The following LPXN variants were observed in gnomAD, a reference collection of about 807,000 sequenced individuals.
LPXN encodes the protein leupaxin.
Under a neutral mutation model 45.6 loss-of-function variants are expected in LPXN, and 28 were observed. The ratio of observed to expected loss-of-function variants is 0.61; its 90% CI spans 0.45 to 0.84. The LOEUF (loss-of-function observed/expected upper bound fraction) is 0.84. Ranked by LOEUF, LPXN falls within the 40% of genes least tolerant of loss-of-function variation. The pLI is 0.00. For missense variants in LPXN, 459 were observed against 475.0 expected (o/e 0.97, Z 0.31); for synonymous variants, 166 against 169.9 (o/e 0.98, Z 0.18).
At position 58,572,630 on chromosome 11, in the gene LPXN, TAA is replaced by T. The variant is rs1294113645; in HGVS notation, c.14-1919_14-1918del. Among the ~76,000 whole-genome samples the T allele has an allele frequency of 5.3e-5, 8 of 152,236 alleles. No individual in the cohort carries two copies. The South Asian group carries it at 6.2e-4, about 12-fold the overall frequency. Reference sequence around the variant, plus strand: ...ATTTAATAATATTAATTAATTCTGTTAAGTTTTTAGGTGTGATAATGGTATTT... The same window carrying T: ...ATTTAATAATATTAATTAATTCTGTTGTTTTTAGGTGTGATAATGGTATTT... On this transcript the variant is annotated intron_variant, in intron 1 of 8. Coordinates refer to ENST00000395074, the MANE Select transcript of LPXN (RefSeq NM_004811.3).
intron 7 of LPXN, among the ~76,000 whole-genome samples, chr11:58,540,019 T>A (rs1853666734): frequency 6.6e-6 from 1 of 152,154 alleles, no homozygotes; most frequent in South Asian, 2.1e-4. Context: ...ATTATACACC[T>A]CTTGATGTGA....
chr11:58,560,225 T>C (rs1215776846), intron 3 of LPXN, among the ~76,000 whole-genome samples: 2 of 152,172 alleles, frequency 1.3e-5, no homozygotes, highest in Non-Finnish European at 2.9e-5. Flanking sequence ...AGATGAGACA[T>C]CAGTAATGCA....
chr11:58,571,542 G>A (rs1408177534), intron 1 of LPXN, among the ~76,000 whole-genome samples: 1 of 151,674 alleles, frequency 6.6e-6, no homozygotes. Flanking sequence ...CAAGGTATAA[G>A]TATCCTGTCT....
intron 7 of LPXN, among the ~76,000 whole-genome samples, chr11:58,534,892 C>T (rs1853502797): frequency 6.6e-6 from 1 of 152,138 alleles, no homozygotes; most frequent in Non-Finnish European, 1.5e-5. Flanking sequence ...CTGTAAACAC[C>T]TCTATACAAA....
At chr11:58,578,448 C>T (rs1046710172), upstream of LPXN, among the ~76,000 whole-genome samples, 6 of 152,086 alleles carry the variant, frequency 3.9e-5, no homozygotes, top group Admixed American at 2.6e-4. Flanking sequence ...AAGAGGCGGG[C>T]CCTCGTTGCC....
intron 7 of LPXN, among the ~76,000 whole-genome samples, chr11:58,541,972 T>C (rs4581467): frequency 0.52 from 77,693 of 150,160 alleles, 20,834 homozygotes; most frequent in East Asian, 0.67. Context: ...TTCTCACTCA[T>C]AGATGGGAAT....
At chr11:58,574,290 G>T (rs1565208089) in intron 1 of LPXN, among the ~76,000 whole-genome samples, 1 of 152,144 alleles carries the variant, frequency 6.6e-6, no homozygotes, top group Non-Finnish European at 1.5e-5. Flanking sequence ...TACTTCATTG[G>T]ACAGACACCA....
At chr11:58,575,868 C>T, upstream of LPXN, 1 of 1,611,972 alleles carries the variant, frequency 6.2e-7, no homozygotes, top group Non-Finnish European at 8.5e-7. Context: ...GATGAGACAG[C>T]ATAAGGCAGC....
At chr11:58,529,206 CA>C (rs1211139745) in intron 7 of LPXN, among the ~76,000 whole-genome samples, 9 of 151,928 alleles carry the variant, frequency 5.9e-5, no homozygotes, top group Non-Finnish European at 1.2e-4. Flanking sequence ...TTACACATGT[CA>C]AAAAATCACC....
chr11:58,539,736 T>G (rs1053910710), intron 7 of LPXN, among the ~76,000 whole-genome samples: 10 of 152,212 alleles, frequency 6.6e-5, no homozygotes, highest in African/African-American at 2.2e-4. Context: ...TATAATTAAT[T>G]CATTACTCTT....
In LPXN at chr11:58,549,771, C is replaced by T; in HGVS notation, c.742+15G>A. On this transcript the variant is annotated intron_variant, in intron 7 of 8. Coordinates refer to ENST00000395074, the MANE Select transcript of LPXN (RefSeq NM_004811.3). The stretch of plus-strand genomic sequence containing the variant: ...CACTGGGGTGTGGGATACAGCCTCT[C>T]AAGTCGGGTCATACCTTCTGCACCA... The T allele has an allele frequency of 6.2e-7, 1 of 1,613,384 alleles. No individual in the cohort carries two copies. The highest frequency in any genetic ancestry group is 8.5e-7 in the Non-Finnish European group (1 of 1,179,534).
chr11:58,549,734 C>CTT, intron 7 of LPXN, 52 bp downstream of exon 7: 3 of 1,529,734 alleles, frequency 2.0e-6, no homozygotes, highest in Non-Finnish European at 2.7e-6. Flanking sequence ...TGTTGCTGGT[C>CTT]TTATAACTAC....
chr11:58,545,675 G>A (rs967082770), intron 7 of LPXN, among the ~76,000 whole-genome samples: 16 of 152,118 alleles, frequency 1.1e-4, no homozygotes, highest in Non-Finnish European at 1.2e-4. Context: ...AAAGCATATC[G>A]TGTTGGTACC....
intron 3 of LPXN, among the ~76,000 whole-genome samples, chr11:58,558,047 ACCTGTGGT>A (rs1361113791): frequency 1.3e-5 from 2 of 152,108 alleles, no homozygotes; most frequent in African/African-American, 4.8e-5. Flanking sequence ...GGTGTCTCAC[ACCTGTGGT>A]CCCAGCACTT....
rs1372196263 is a variant in LPXN, at chr11:58,558,430, A to G, written c.219-3490T>C. The stretch of plus-strand genomic sequence containing the variant: ...CACACATCTGTCGTCTCAGCTACTC[A>G]GGAGGCTGGGGCAGGAGGATCACTT... On this transcript the variant is annotated intron_variant, in intron 3 of 8. Transcript: ENST00000395074. 4.7e-5 allele frequency among the ~76,000 whole-genome samples: 7 copies of G among 150,320 alleles called. 1 individual carries two copies. In the South Asian group the frequency reaches 1.5e-3, roughly 32 times the overall value.
chr11:58,552,486 C>CAA (rs1487014838), intron 4 of LPXN, among the ~76,000 whole-genome samples: 1 of 152,282 alleles, frequency 6.6e-6, no homozygotes, highest in Non-Finnish European at 1.5e-5. Flanking sequence ...ACTCATCAGA[C>CAA]AGACATTCAA....
rs547044769 is a variant in LPXN, at chr11:58,569,004, C to G, written c.171+1552G>C. Among the ~76,000 whole-genome samples, 5 of 152,268 alleles carry G rather than the reference C, an allele frequency of 3.3e-5. No individual in the cohort carries two copies. The South Asian group carries it at 1.0e-3, about 32-fold the overall frequency. On this transcript the variant is annotated intron_variant, in intron 2 of 8. Coordinates refer to ENST00000395074, the MANE Select transcript of LPXN (RefSeq NM_004811.3). ...CAAAGGGCAGGAGACCACTTAGGAGCCTACAGCTATAATCTAACACTGAGA... is the reference window on the plus strand; with the variant it reads ...CAAAGGGCAGGAGACCACTTAGGAGGCTACAGCTATAATCTAACACTGAGA...
At chr11:58,532,723 T>C (rs1213512586) in intron 7 of LPXN, among the ~76,000 whole-genome samples, 3 of 152,178 alleles carry the variant, frequency 2.0e-5, no homozygotes, top group Non-Finnish European at 4.4e-5. Context: ...CAATCAGCTC[T>C]CTGTAAAATG....
intron 7 of LPXN, among the ~76,000 whole-genome samples, chr11:58,534,108 A>G (rs1485967318): frequency 1.3e-5 from 2 of 152,238 alleles, no homozygotes; most frequent in African/African-American, 4.8e-5. Flanking sequence ...AATATTAGAC[A>G]GATCAATGAG....
Sources: gnomAD v4.1 joint callset for allele counts (sites outside exome capture counted in the v4.1 genomes callset) on GRCh38, gnomAD v4.1.1 for gene constraint, MANE v1.5 for transcripts, NCBI Gene and HGNC (gene_info 2026-07-23, HGNC 2026-07-21) for gene names.